HEATR5B: variants seen among roughly 807,000 people sequenced by gnomAD.
HEATR5B encodes the protein HEAT repeat containing 5B.
A neutral mutation model predicts 224.1 loss-of-function variants in HEATR5B; 156 were observed. The observed-to-expected ratio is 0.70, with a 90% confidence interval of 0.61 to 0.80. The LOEUF is 0.80. Ranked by LOEUF, HEATR5B falls within the 30% of genes least tolerant of loss-of-function variation. HEATR5B has a pLI of 0.00. For synonymous variants in HEATR5B, 1,027 were observed against 893.0 expected, an observed-to-expected ratio of 1.15 and a Z score of -2.68; for missense variants, 2,323 against 2,535.5, an observed-to-expected ratio of 0.92 and a Z score of 1.80.
intron 20 of HEATR5B, 114 bp from the exon 21 acceptor site, chr2:37,038,138 T>G (rs1249755567): frequency 2.2e-5 from 16 of 723,532 alleles, no homozygotes; most frequent in East Asian, 1.4e-4. Flanking sequence ...ATTATTCAGG[T>G]TTTTTTTGCT....
chr2:37,026,596 T>G (rs2148456341), intron 24 of HEATR5B, among the ~76,000 whole-genome samples: 1 of 152,356 alleles, frequency 6.6e-6, no homozygotes, highest in Non-Finnish European at 1.5e-5. Flanking sequence ...GAAGTCTGTC[T>G]CTCTGTCTTC....
chr2:37,041,637 T>G (rs1307953500), intron 18 of HEATR5B, among the ~76,000 whole-genome samples: 3 of 152,022 alleles, frequency 2.0e-5, no homozygotes, highest in Admixed American at 6.6e-5. Flanking sequence ...GCCCAGCTAG[T>G]AGGGAGGCTG....
rs146256561 is a variant in HEATR5B at position 37,020,713 on chromosome 2, G to A, written c.3977C>T (p.Ala1326Val). ...QALEDIIKKF[A>V]SVPEPEFPGH... ...TGGAAATTCTGGCTCAGGCACAGAC[G>A]CAAACTTCTTGATAATGTCTTCAAG... Residue 1326 changes from alanine (A) to valine (V), a missense_variant, in exon 25 of 36, where the codon GCG (alanine) becomes GTG (valine). This residue lies in a region of HEATR5B where 339 missense variants were observed against 378.4 expected (regional missense o/e 0.90). Transcript: ENST00000233099. 5 of 1,607,520 alleles carry A rather than the reference G, an allele frequency of 3.1e-6. No homozygotes were observed. The highest frequency in any genetic ancestry group is 1.3e-5 in the African/African-American group (1 of 74,436).
At chr2:36,982,977 A>G (rs1185870234) in intron 35 of HEATR5B, among the ~76,000 whole-genome samples, 1 of 151,816 alleles carries the variant, frequency 6.6e-6, no homozygotes, top group Admixed American at 6.6e-5. Context: ...CCATGAGATC[A>G]GGGACCTTTG....
intron 16 of HEATR5B, among the ~76,000 whole-genome samples, chr2:37,054,389 C>T (rs868212176): frequency 1.0e-4 from 15 of 150,646 alleles, no homozygotes; most frequent in African/African-American, 3.7e-4. Context: ...CCATGTTGGT[C>T]AGGCTGGTCT....
intron 34 of HEATR5B, 104 bp downstream of exon 34, chr2:36,990,544 A>C (rs932226779): frequency 3.7e-6 from 4 of 1,084,402 alleles, no homozygotes; most frequent in South Asian, 1.9e-5. Context: ...CATAGTGCAA[A>C]TACTTAGCTT....
intron 2 of HEATR5B, among the ~76,000 whole-genome samples, chr2:37,080,788 A>T (rs1203496376): frequency 6.6e-6 from 1 of 152,122 alleles, no homozygotes; most frequent in African/African-American, 2.4e-5. Flanking sequence ...AAAAAAAAAA[A>T]ATGCCCTGAA....
rs1193802031 is a variant in HEATR5B at position 37,049,738 on chromosome 2, C to A, written c.2611G>T (p.Ala871Ser). 1.2e-6 allele frequency: 2 copies of A among 1,613,418 alleles called. No individual in the cohort carries two copies. Among genetic ancestry groups the A allele is most frequent in the African/African-American group, 2.7e-5 (2 of 74,718 alleles). ...ATTCTTCCAAGAGCTTCCCCCGCTG[C>A]ACAACGTAAGATGGGGTTTGGGTTG... is the stretch of plus-strand genomic sequence containing the variant. ...LDNPNPILRC[A>S]AGEALGRMAQ... Residue 871 changes from alanine (A) to serine (S), a missense_variant, in exon 18 of 36, where the codon GCA (alanine) becomes TCA (serine). Ala to Ser is a moderately conservative substitution (Grantham distance 99). Transcript: ENST00000233099.
intron 3 of HEATR5B, among the ~76,000 whole-genome samples, chr2:37,077,665 T>C (rs1222495121): frequency 6.6e-6 from 1 of 152,244 alleles, no homozygotes; most frequent in South Asian, 2.1e-4. Context: ...ACAATCCCTC[T>C]CTTCTTTCAT....
At chr2:37,054,514 C>T (rs1397420067) in intron 16 of HEATR5B, among the ~76,000 whole-genome samples, 3 of 112,064 alleles carry the variant, frequency 2.7e-5, no homozygotes, top group African/African-American at 7.1e-5. Flanking sequence ...GACTGAGTTT[C>T]GCTCTTGTTG....
intron 33 of HEATR5B, among the ~76,000 whole-genome samples, chr2:37,000,250 T>C (rs1667003235): frequency 6.6e-6 from 1 of 151,996 alleles, no homozygotes. Flanking sequence ...GCTAATTCTG[T>C]ATTTTTAGTA....
Position 36,986,995 on chromosome 2 carries a change from T to C in HEATR5B, c.5911+1651A>G, listed in dbSNP as rs552193912. Among the ~76,000 whole-genome samples the C allele has an allele frequency of 1.8e-3, 280 of 152,266 alleles. 2 individuals carry two copies. Among genetic ancestry groups the C allele is most frequent in the African/African-American group, 6.5e-3 (271 of 41,570 alleles). ...CTTAAACTCCTGATCTCAAGTGATC[T>C]GCTCACCTTGGCCTCCCAAAGTGTT... On this transcript the variant is annotated intron_variant, in intron 35 of 35. Transcript: ENST00000233099.
chr2:37,057,795 G>C (rs1364541931), intron 14 of HEATR5B, among the ~76,000 whole-genome samples: 1 of 152,066 alleles, frequency 6.6e-6, no homozygotes, highest in Non-Finnish European at 1.5e-5. Flanking sequence ...GATTGCTTGA[G>C]CCCAAGAGAT....
At chr2:36,986,451 G>C (rs1252169286) in intron 35 of HEATR5B, among the ~76,000 whole-genome samples, 1 of 151,924 alleles carries the variant, frequency 6.6e-6, no homozygotes, top group Non-Finnish European at 1.5e-5. Context: ...CATAGTTCTG[G>C]ATTATTATTT....
intron 17 of HEATR5B, among the ~76,000 whole-genome samples, chr2:37,050,891 A>G (rs1055501250): frequency 6.6e-6 from 1 of 151,908 alleles, no homozygotes; most frequent in Non-Finnish European, 1.5e-5. Flanking sequence ...TACAAAAAAA[A>G]TTAGCTGGGT....
chr2:37,073,106 G>A (rs931867824), intron 5 of HEATR5B, among the ~76,000 whole-genome samples: 2 of 152,158 alleles, frequency 1.3e-5, no homozygotes, highest in Non-Finnish European at 2.9e-5. Flanking sequence ...TATAATGCCA[G>A]TATCACCTTG....
intron 7 of HEATR5B, among the ~76,000 whole-genome samples, chr2:37,069,937 A>C (rs932265519): frequency 1.3e-4 from 19 of 143,600 alleles, no homozygotes; most frequent in Non-Finnish European, 2.4e-4. Flanking sequence ...TCGCTCTGTC[A>C]CCCAGGTTGG....
intron 18 of HEATR5B, among the ~76,000 whole-genome samples, chr2:37,044,352 G>C (rs537062022): frequency 2.0e-5 from 3 of 152,116 alleles, no homozygotes; most frequent in African/African-American, 7.2e-5. Context: ...AGTTTCATAC[G>C]AATGAAATCA....
chr2:37,040,931 G>A (rs940034148), intron 19 of HEATR5B: 26 of 520,026 alleles, frequency 5.0e-5, no homozygotes, highest in Non-Finnish European at 7.8e-5. Context: ...TTGAAGGAAT[G>A]TATGTGAATG....
Sources: gnomAD v4.1 joint callset for allele counts (sites outside exome capture counted in the v4.1 genomes callset) on GRCh38, gnomAD v4.1.1 for gene constraint, gnomAD v4.1.1 regional missense constraint, MANE v1.5 for transcripts, NCBI Gene and HGNC (gene_info 2026-07-23, HGNC 2026-07-21) for gene names.